Variants in KANSL1L observed in about 807,000 individuals in gnomAD.
KANSL1L encodes KAT8 regulatory NSL complex subunit 1-like protein.
Under a neutral mutation model 108.6 loss-of-function variants are expected in KANSL1L, and 25 were observed. The observed-to-expected ratio is 0.23, with a 90% CI of 0.17 to 0.32. KANSL1L has a LOEUF of 0.32. Among genes scored for constraint, KANSL1L ranks in the 10% least tolerant of loss-of-function variants. The pLI is 1.00. For synonymous variants in KANSL1L, 405 were observed against 395.1 expected (o/e 1.03, Z -0.30); for missense variants, 1,137 against 1,125.7 (o/e 1.01, Z -0.14).
intron 1 of KANSL1L, among the ~76,000 whole-genome samples, chr2:210,167,823 G>A (rs1267635173): frequency 6.6e-6 from 1 of 151,908 alleles, no homozygotes; most frequent in African/African-American, 2.4e-5. Context: ...TTTCCATTAT[G>A]AATAGTCTTT....
At chr2:210,051,920 AT>A (rs1200920413) in intron 6 of KANSL1L, among the ~76,000 whole-genome samples, 1 of 149,696 alleles carries the variant, frequency 6.7e-6, no homozygotes, top group Non-Finnish European at 1.5e-5. Context: ...TGGGAGATTT[AT>A]TTGACTCTAT....
At chr2:210,169,023 G>T (rs1220633943) in intron 1 of KANSL1L, among the ~76,000 whole-genome samples, 1 of 151,972 alleles carries the variant, frequency 6.6e-6, no homozygotes, top group Non-Finnish European at 1.5e-5. Context: ...TTAAAGCAAG[G>T]TTTTTAGTTT....
At chr2:210,058,535 A>G (rs978855703) in intron 6 of KANSL1L, among the ~76,000 whole-genome samples, 2 of 151,980 alleles carry the variant, frequency 1.3e-5, no homozygotes, top group Non-Finnish European at 2.9e-5. Context: ...AATCACTAAT[A>G]AAAACTTGCT....
At chr2:210,029,181 A>C (rs1000914296) in intron 10 of KANSL1L, 5 of 454,744 alleles carry the variant, frequency 1.1e-5, no homozygotes, top group African/African-American at 1.0e-4. Context: ...TAGATGTGTA[A>C]TGTGTATTTA....
In KANSL1L at chr2:210,064,707, G is replaced by A. The variant is rs531522041; in HGVS notation, c.1755+10845C>T. ...CATGCTTGTACCAGCTACTTGGGAG[G>A]CTGAGGTGGGAGGACTGCTTGAGCC... On this transcript the variant is annotated intron_variant, in intron 6 of 14. Coordinates refer to ENST00000281772, the MANE Select transcript of KANSL1L (RefSeq NM_152519.4). Among the ~76,000 whole-genome samples, 4 of 151,644 alleles carry A rather than the reference G, an allele frequency of 2.6e-5. No individual in the cohort carries two copies. The South Asian group carries it at 8.3e-4, about 32-fold the overall frequency.
Position 210,022,299 on chromosome 2 carries a change from T to C in KANSL1L, c.*650A>G, listed in dbSNP as rs2125103233. 6.6e-6 allele frequency: 1 copy of C among 152,456 alleles called. No homozygotes were observed. The highest frequency in any genetic ancestry group is 1.9e-4 in the East Asian group (1 of 5,184). The allele number at this position is 152,456 out of a possible 1,614,324, so 9.4% of individuals were successfully genotyped here. A position where few individuals can be genotyped will look rare whatever the true frequency, so the allele number is the denominator to read the frequency against. On this transcript the variant is annotated 3_prime_UTR_variant, in exon 15 of 15. Coordinates refer to ENST00000281772, the MANE Select transcript of KANSL1L (RefSeq NM_152519.4). Reference sequence around the variant, plus strand: ...GTAAATAACTTCTGTTGGTTAAACATGTTAAAACAACAACAACAACAACAA... The same window carrying C: ...GTAAATAACTTCTGTTGGTTAAACACGTTAAAACAACAACAACAACAACAA...
chr2:210,034,284 A>G lies in KANSL1L; in HGVS notation c.2030-2738T>C, dbSNP rs759074262. Among the ~76,000 whole-genome samples the G allele has an allele frequency of 3.3e-5, 5 of 152,244 alleles. No homozygotes were observed. In the East Asian group the frequency reaches 5.8e-4, roughly 18 times the overall value. On this transcript the variant is annotated intron_variant, in intron 8 of 14. Transcript: ENST00000281772. ...AACTACATGATGTTACTGAGAATGTATAAGAGTGCTAGTAAGAGCTCTAGG... is the reference window on the plus strand; with the variant it reads ...AACTACATGATGTTACTGAGAATGTGTAAGAGTGCTAGTAAGAGCTCTAGG...
chr2:210,153,093 C>G (rs375502714), intron 2 of KANSL1L: 1 of 156,932 alleles, frequency 6.4e-6, no homozygotes, highest in Non-Finnish European at 1.4e-5. Context: ...TGGTGGCTCA[C>G]GCCTCTAATC....
chr2:210,028,950 A>C lies in KANSL1L; in HGVS notation c.2291T>G (p.Leu764Trp), dbSNP rs1351761422. The stretch of plus-strand genomic sequence containing the variant: ...TATGTCATAAGAGCTCTCACTTCTC[A>C]ATCTCCGTCGTGCAGTATTCTGCAA... The part of the protein sequence containing the change: ...NSSRNTARRR[L>W]RSESSYDIDN... Residue 764 changes from leucine to tryptophan, a missense_variant, in exon 11 of 15, where the codon TTG (leucine) becomes TGG (tryptophan). Around this residue, in one of 3 missense-constraint regions of KANSL1L, gnomAD observed 575 missense variants for 567.1 expected, o/e 1.01. Coordinates refer to ENST00000281772, the MANE Select transcript of KANSL1L (RefSeq NM_152519.4). The C allele has an allele frequency of 6.2e-6, 10 of 1,611,276 alleles. No homozygotes were observed. The highest frequency in any genetic ancestry group is 8.5e-6 in the Non-Finnish European group (10 of 1,178,286).
chr2:210,122,054 A>T (rs2095026363), intron 3 of KANSL1L, among the ~76,000 whole-genome samples: 2 of 152,188 alleles, frequency 1.3e-5, no homozygotes, highest in African/African-American at 4.8e-5. Context: ...CAAAAAGGAG[A>T]TATTCCATTT....
At chr2:210,153,473 C>G in intron 2 of KANSL1L, 22 bp downstream of exon 2, 1 of 1,596,594 alleles carries the variant, frequency 6.3e-7, no homozygotes, top group Non-Finnish European at 8.6e-7. Context: ...AGAAAATAGT[C>G]TAATAATAAT....
chr2:210,118,586 C>T (rs995184337), intron 3 of KANSL1L, among the ~76,000 whole-genome samples: 1 of 151,856 alleles, frequency 6.6e-6, no homozygotes, highest in Admixed American at 6.6e-5. Flanking sequence ...GTGGCTCGTA[C>T]CTGTAATCCC....
At chr2:210,116,012 G>C (rs905549640) in intron 3 of KANSL1L, among the ~76,000 whole-genome samples, 9 of 152,200 alleles carry the variant, frequency 5.9e-5, no homozygotes, top group African/African-American at 2.2e-4. Context: ...GTGGGGTAAA[G>C]CACCAAGCAT....
intron 6 of KANSL1L, among the ~76,000 whole-genome samples, chr2:210,065,308 A>T (rs1417257440): frequency 2.0e-5 from 3 of 150,654 alleles, no homozygotes; most frequent in Non-Finnish European, 4.4e-5. Context: ...AAAAAAAAAA[A>T]AAAAAAAAGA....
chr2:210,073,200 C>A (rs1417239318), intron 6 of KANSL1L, among the ~76,000 whole-genome samples: 1 of 151,994 alleles, frequency 6.6e-6, no homozygotes, highest in Non-Finnish European at 1.5e-5. Flanking sequence ...ATAATCATAC[C>A]TTTTCTTCCC....
At chr2:210,066,038 A>G (rs180747252) in intron 6 of KANSL1L, among the ~76,000 whole-genome samples, 217 of 152,332 alleles carry the variant, frequency 1.4e-3, no homozygotes, top group Middle Eastern at 3.4e-3. Context: ...GTAGTTTTCA[A>G]TTACAGCCCC....
At chr2:210,099,447 T>TCAAGG (rs956234945) in intron 4 of KANSL1L, among the ~76,000 whole-genome samples, 1 of 152,190 alleles carries the variant, frequency 6.6e-6, no homozygotes, top group African/African-American at 2.4e-5. Flanking sequence ...CAAAAAATCT[T>TCAAGG]TCATGAGAAA....
At chr2:210,062,160 CT>C (rs1198608704) in intron 6 of KANSL1L, among the ~76,000 whole-genome samples, 1 of 152,100 alleles carries the variant, frequency 6.6e-6, no homozygotes, top group African/African-American at 2.4e-5. Flanking sequence ...GGGGGTGGGT[CT>C]TTCCTGTGCT....
At chr2:210,104,922 C>A (rs2094831288) in intron 3 of KANSL1L, among the ~76,000 whole-genome samples, 1 of 152,092 alleles carries the variant, frequency 6.6e-6, no homozygotes, top group Admixed American at 6.6e-5. Context: ...AATAAAGACA[C>A]AAGCTTTCAA....
Sources: gnomAD v4.1 joint callset for allele counts (sites outside exome capture counted in the v4.1 genomes callset) on GRCh38, gnomAD v4.1.1 for gene constraint, gnomAD v4.1.1 regional missense constraint, MANE v1.5 for transcripts, NCBI Gene and HGNC (gene_info 2026-07-23, HGNC 2026-07-21) for gene names.